The following RFX3 variants were observed in gnomAD, a reference collection of about 807,000 sequenced individuals.
The protein encoded by RFX3 is regulatory factor X3, also known as transcription factor RFX3.
A neutral mutation model predicts 98.6 loss-of-function variants in RFX3; 14 were observed. That is an observed-to-expected ratio of 0.14 (90% CI 0.09 to 0.22). The LOEUF (loss-of-function observed/expected upper bound fraction) is 0.22. Ranked by LOEUF, RFX3 falls within the 10% of genes least tolerant of loss-of-function variation. The pLI, the probability that RFX3 is intolerant of heterozygous loss-of-function variation, is 1.00. For missense variants in RFX3, 639 were observed against 926.9 expected, an observed-to-expected ratio of 0.69 and a Z score of 4.03; for synonymous variants, 383 against 328.4, an observed-to-expected ratio of 1.17 and a Z score of -1.80.
At chr9:3,296,424 A>G (rs1828001868) in intron 5 of RFX3, among the ~76,000 whole-genome samples, 1 of 151,958 alleles carries the variant, frequency 6.6e-6, no homozygotes, top group Non-Finnish European at 1.5e-5. Context: ...GTAAGTCAAA[A>G]AATCTGCACC....
At chr9:3,349,443 G>A (rs528452266) in intron 2 of RFX3, among the ~76,000 whole-genome samples, 8 of 152,006 alleles carry the variant, frequency 5.3e-5, no homozygotes, top group African/African-American at 1.2e-4. Context: ...AGGATTTGCT[G>A]TATTTAATTT....
chr9:3,258,054 C>T (rs1147822), intron 13 of RFX3, among the ~76,000 whole-genome samples: 122,816 of 152,048 alleles, frequency 0.81, 50,433 homozygotes, highest in South Asian at 0.9. Context: ...AAACATAATT[C>T]TTTGGTAACG....
At chr9:3,346,832 T>C (rs1834488018) in intron 2 of RFX3, 68 bp from the exon 3 acceptor site, 1 of 933,860 alleles carries the variant, frequency 1.1e-6, no homozygotes, top group African/African-American at 1.6e-5. Context: ...GCATTAGATC[T>C]ATCTCAAAGG....
At chr9:3,314,892 C>G (rs145914147) in intron 4 of RFX3, among the ~76,000 whole-genome samples, 2 of 152,124 alleles carry the variant, frequency 1.3e-5, no homozygotes, top group African/African-American at 2.4e-5. Context: ...TAGAGACCTA[C>G]AAAGAGACTT....
intron 15 of RFX3, among the ~76,000 whole-genome samples, chr9:3,240,749 G>A (rs140510068): frequency 1.8e-4 from 27 of 152,276 alleles, no homozygotes; most frequent in African/African-American, 6.5e-4. Flanking sequence ...TATCAGGGGG[G>A]CCAGCAACCA....
chr9:3,465,458 CT>C lies in RFX3; in HGVS notation c.-9+60288del, dbSNP rs34093115. On this transcript the variant is annotated intron_variant, in intron 1 of 16. Transcript: ENST00000617270. ...GGCATGCACCACCATGCCCAGGTAA[CT>C]TTTTTTTTTTTTTTTTGTATTTTTA... Among the ~76,000 whole-genome samples, 238 of 129,642 alleles carry C rather than the reference CT, an allele frequency of 1.8e-3. 2 individuals carry two copies. The highest frequency in any genetic ancestry group is 5.4e-3 in the African/African-American group (186 of 34,490). The allele number at this position is 129,642 out of a possible 152,430, so 85.1% of individuals were successfully genotyped here. A position where few individuals can be genotyped will look rare whatever the true frequency, so the allele number is the denominator to read the frequency against.
chr9:3,449,004 C>T (rs1265941586), intron 1 of RFX3, among the ~76,000 whole-genome samples: 1 of 152,138 alleles, frequency 6.6e-6, no homozygotes, highest in African/African-American at 2.4e-5. Context: ...CCCCAAACTA[C>T]TTTAAAATTA....
At chr9:3,282,251 T>C (rs1826007493) in intron 7 of RFX3, among the ~76,000 whole-genome samples, 1 of 151,764 alleles carries the variant, frequency 6.6e-6, no homozygotes, top group Admixed American at 6.6e-5. Context: ...TCCACTCTTT[T>C]AGAATAGTAG....
At chr9:3,362,105 G>A (rs1047267176) in intron 2 of RFX3, among the ~76,000 whole-genome samples, 57 of 152,144 alleles carry the variant, frequency 3.7e-4, no homozygotes, top group African/African-American at 1.3e-3. Flanking sequence ...GCATGGTTAA[G>A]GGGGTTGGAA....
intron 2 of RFX3, among the ~76,000 whole-genome samples, chr9:3,369,349 A>C (rs1223474821): frequency 6.6e-6 from 1 of 152,164 alleles, no homozygotes; most frequent in African/African-American, 2.4e-5. Flanking sequence ...GTCTTTTGTA[A>C]GTACACTAAT....
chr9:3,226,379 T>C (rs1817772204), intron 16 of RFX3, among the ~76,000 whole-genome samples: 2 of 152,242 alleles, frequency 1.3e-5, no homozygotes, highest in Non-Finnish European at 1.5e-5. Flanking sequence ...TATTTCATTA[T>C]GACTAGGGCA....
chr9:3,354,016 A>G (rs113980669), intron 2 of RFX3, among the ~76,000 whole-genome samples: 87 of 152,198 alleles, frequency 5.7e-4, no homozygotes, highest in African/African-American at 2.0e-3. Flanking sequence ...GGAAAATACA[A>G]TATGTAAAAT....
chr9:3,267,531 G>A (rs544073547), intron 11 of RFX3, among the ~76,000 whole-genome samples: 93 of 151,892 alleles, frequency 6.1e-4, no homozygotes, highest in Admixed American at 1.1e-3. Context: ...ACAACTAAAT[G>A]TGTTTTTAAG....
chr9:3,241,698 G>T (rs1438477619), intron 15 of RFX3, among the ~76,000 whole-genome samples: 1 of 152,120 alleles, frequency 6.6e-6, no homozygotes, highest in Non-Finnish European at 1.5e-5. Flanking sequence ...ACCAAACTAC[G>T]ACTTCTTTAA....
chr9:3,245,453 G>A (rs1027435017), intron 15 of RFX3, among the ~76,000 whole-genome samples: 2 of 152,164 alleles, frequency 1.3e-5, no homozygotes, highest in Non-Finnish European at 2.9e-5. Context: ...AGTAACACAA[G>A]GGAAAGTCAC....
At chr9:3,472,928 C>A (rs1410398197) in intron 1 of RFX3, among the ~76,000 whole-genome samples, 2 of 152,148 alleles carry the variant, frequency 1.3e-5, no homozygotes, top group Non-Finnish European at 2.9e-5. Context: ...ACGAGATGAT[C>A]CAGAGTTGAC....
chr9:3,519,772 C>G (rs1818519731), intron 1 of RFX3, among the ~76,000 whole-genome samples: 3 of 152,118 alleles, frequency 2.0e-5, no homozygotes. Flanking sequence ...TATTGATACT[C>G]TAAACACGTT....
chr9:3,524,654 A>T (rs1421854752), intron 1 of RFX3: 2 of 981,174 alleles, frequency 2.0e-6, no homozygotes, highest in East Asian at 2.3e-4. Context: ...TGTTCATCAC[A>T]AAGTCTCATA....
At chr9:3,309,111 T>C (rs1829669789) in intron 4 of RFX3, among the ~76,000 whole-genome samples, 2 of 152,116 alleles carry the variant, frequency 1.3e-5, no homozygotes, top group Middle Eastern at 3.2e-3. Flanking sequence ...GAAAAATGCA[T>C]AGATTCTGTA....
Sources: allele counts gnomAD v4.1 joint callset (sites outside exome capture counted in the v4.1 genomes callset), GRCh38; gene constraint gnomAD v4.1.1; transcripts MANE v1.5; gene names NCBI Gene and HGNC (gene_info 2026-07-23, HGNC 2026-07-21).